BLTP2: variants seen among roughly 807,000 people sequenced by gnomAD.
The protein encoded by BLTP2 is U937-associated antigen.
chr17:28,641,670 A>G, the BLTP2 span, among the ~76,000 whole-genome samples: 1 of 151,138 alleles, frequency 6.6e-6, no homozygotes, highest in Non-Finnish European at 1.5e-5. Context: ...AAAAAAAAAA[A>G]CCCATAGTAC....
the BLTP2 span, chr17:28,634,708 C>T: frequency 1.1e-5 from 17 of 1,614,004 alleles, no homozygotes; most frequent in East Asian, 2.2e-5. Context: ...CAGTGCCCGG[C>T]GCATGGGTGT....
At chr17:28,633,540 A>T in the BLTP2 span, 1 of 1,613,238 alleles carries the variant, frequency 6.2e-7, no homozygotes, top group East Asian at 2.2e-5. Context: ...GTATCATGAC[A>T]CCCCTCACCT....
the BLTP2 span, chr17:28,615,579 A>G: frequency 4.6e-6 from 7 of 1,521,008 alleles, no homozygotes; most frequent in Non-Finnish European, 5.4e-6. Flanking sequence ...ATATTTATTC[A>G]TGGATTCTAA....
chr17:28,638,811 A>G, the BLTP2 span, among the ~76,000 whole-genome samples: 1 of 152,152 alleles, frequency 6.6e-6, no homozygotes, highest in South Asian at 2.1e-4. Flanking sequence ...GTTTATTGCT[A>G]CTCTTAATGG....
the BLTP2 span, among the ~76,000 whole-genome samples, chr17:28,636,460 A>G: frequency 8.5e-5 from 13 of 152,344 alleles, no homozygotes; most frequent in South Asian, 2.5e-3. Context: ...CTTATTTTTC[A>G]GAGATGCATA....
the BLTP2 span, chr17:28,621,391 G>A: frequency 4.3e-6 from 7 of 1,610,444 alleles, no homozygotes; most frequent in Non-Finnish European, 5.1e-6. Flanking sequence ...AGGAGGGGGA[G>A]GGCTGACCTG....
At chr17:28,636,857 G>A in the BLTP2 span, 3 of 895,044 alleles carry the variant, frequency 3.4e-6, no homozygotes, top group Admixed American at 2.3e-5. Context: ...TGGGCAACAT[G>A]TGACACTCTG....
chr17:28,629,581 G>A, the BLTP2 span, among the ~76,000 whole-genome samples: 15 of 152,254 alleles, frequency 9.9e-5, no homozygotes, highest in East Asian at 1.3e-3. Flanking sequence ...GGGTTCAAGC[G>A]ATTCTCCTGC....
chr17:28,642,803 A>G, the BLTP2 span: 1 of 839,352 alleles, frequency 1.2e-6, no homozygotes, highest in Admixed American at 1.9e-5. Context: ...CACCTTGATA[A>G]GGAGGCCCTG....
At chr17:28,642,768 C>G in the BLTP2 span, 2 of 721,826 alleles carry the variant, frequency 2.8e-6, no homozygotes, top group Non-Finnish European at 5.0e-6. Flanking sequence ...AGCATCTCCT[C>G]CAACTGCACA....
the BLTP2 span, among the ~76,000 whole-genome samples, chr17:28,622,248 A>G: frequency 6.6e-6 from 1 of 152,222 alleles, no homozygotes; most frequent in Non-Finnish European, 1.5e-5. Flanking sequence ...GATAAAGAGC[A>G]CTGCTTGTCT....
the BLTP2 span, chr17:28,615,852 C>G: frequency 9.4e-6 from 15 of 1,595,274 alleles, no homozygotes; most frequent in Non-Finnish European, 1.3e-5. Context: ...AATACATCAG[C>G]TGCCATTTTG....
the BLTP2 span, chr17:28,632,201 G>A: frequency 1.2e-6 from 2 of 1,613,734 alleles, no homozygotes; most frequent in Non-Finnish European, 1.7e-6. Flanking sequence ...ATCCAGCGCA[G>A]GGTACTACTA....
the BLTP2 span, among the ~76,000 whole-genome samples, chr17:28,625,809 A>T: frequency 6.6e-6 from 1 of 152,060 alleles, no homozygotes; most frequent in Non-Finnish European, 1.5e-5. Flanking sequence ...CTTGTTGCCC[A>T]GGCTGGAGTG....
the BLTP2 span, chr17:28,633,683 A>C: frequency 6.2e-7 from 1 of 1,614,120 alleles, no homozygotes; most frequent in South Asian, 1.1e-5. Context: ...AGGTCCACAC[A>C]CTGGCCAATT....
the BLTP2 span, chr17:28,614,919 G>A: frequency 3.4e-3 from 2,531 of 735,004 alleles, 10 homozygotes; most frequent in Non-Finnish European, 4.6e-3. Context: ...GCCCTGCAGC[G>A]AACAGACCAG....
At chr17:28,623,018 T>C in the BLTP2 span, among the ~76,000 whole-genome samples, 1 of 152,118 alleles carries the variant, frequency 6.6e-6, no homozygotes, top group Non-Finnish European at 1.5e-5. Flanking sequence ...GAGGTTGCAG[T>C]GAGCTGAGTT....
the BLTP2 span, chr17:28,642,740 T>A: frequency 1.5e-6 from 1 of 668,304 alleles, no homozygotes; most frequent in Non-Finnish European, 2.7e-6. Context: ...GACAAGGCAA[T>A]TGGAAATGTC....
the BLTP2 span, chr17:28,620,663 C>G: frequency 1.2e-6 from 2 of 1,609,576 alleles, no homozygotes; most frequent in Non-Finnish European, 1.7e-6. Context: ...ATAAAAGGCT[C>G]AAGTTTCTAC....
Sources: gnomAD v4.1 joint callset for allele counts (sites outside exome capture counted in the v4.1 genomes callset) on GRCh38, gnomAD v4.1.1 for gene constraint, MANE v1.5 for transcripts, NCBI Gene and HGNC (gene_info 2026-07-23, HGNC 2026-07-21) for gene names.